Variants in BAZ2B observed in about 807,000 individuals in gnomAD.
BAZ2B encodes bromodomain adjacent to zinc finger domain 2B, also known as bromodomain adjacent to zinc finger domain protein 2B.
Under a neutral mutation model 246.0 loss-of-function variants are expected in BAZ2B, and 91 were observed. That is an observed-to-expected ratio of 0.37 (90% confidence interval 0.31 to 0.44). The LOEUF (loss-of-function observed/expected upper bound fraction) is 0.44. Among genes scored for constraint, BAZ2B ranks in the 20% least tolerant of loss-of-function variants. The probability of loss-of-function intolerance (pLI) is 1.00; values close to 1 mark genes in which losing one functional copy is unlikely to be tolerated. For missense variants in BAZ2B, 2,332 were observed against 2,533.7 expected (o/e 0.92, Z 1.71); for synonymous variants, 855 against 860.0 (o/e 0.99, Z 0.10).
At chr2:159,386,306 C>A in intron 22 of BAZ2B, 47 bp downstream of exon 22, 1 of 1,506,920 alleles carries the variant, frequency 6.6e-7, no homozygotes. Context: ...TCTACCAATG[C>A]ACTGACAGTA....
intron 13 of BAZ2B, among the ~76,000 whole-genome samples, chr2:159,423,930 G>A (rs1019657055): frequency 6.6e-6 from 1 of 152,134 alleles, no homozygotes; most frequent in African/African-American, 2.4e-5. Flanking sequence ...TGTGCTCCAG[G>A]ATCATTTGCA....
intron 2 of BAZ2B, among the ~76,000 whole-genome samples, chr2:159,487,235 G>C (rs1379052828): frequency 2.0e-5 from 3 of 152,108 alleles, no homozygotes; most frequent in African/African-American, 4.8e-5. Flanking sequence ...AGGAAGCAGG[G>C]AACCTACTCC....
At chr2:159,710,958 G>A in the BAZ2B span, 1 of 152,200 alleles carries the variant, frequency 6.6e-6, no homozygotes, top group Non-Finnish European at 1.5e-5. Flanking sequence ...GAATGTAATA[G>A]CTAACAATTA....
At chr2:159,689,987 A>G in the BAZ2B span, 20 of 391,350 alleles carry the variant, frequency 5.1e-5, no homozygotes, top group African/African-American at 4.0e-4. Context: ...TTTTTTGACC[A>G]TAGAACACAT....
At chr2:159,449,918 C>A (rs1382643285) in intron 4 of BAZ2B, among the ~76,000 whole-genome samples, 1 of 152,070 alleles carries the variant, frequency 6.6e-6, no homozygotes, top group Non-Finnish European at 1.5e-5. Flanking sequence ...CACTTGTAAT[C>A]CCAGAGCTTT....
At chr2:159,516,611 G>A (rs1343768325) in intron 2 of BAZ2B, 1 of 152,430 alleles carries the variant, frequency 6.6e-6, no homozygotes, top group Non-Finnish European at 1.5e-5. Flanking sequence ...TGTCGGAGAG[G>A]GTCAAATAGT....
At chr2:159,369,701 T>C (rs2060610138) in intron 27 of BAZ2B, among the ~76,000 whole-genome samples, 1 of 152,178 alleles carries the variant, frequency 6.6e-6, no homozygotes, top group Non-Finnish European at 1.5e-5. Context: ...GATTGATCAT[T>C]TTCTTAAGCT....
chr2:159,641,559 G>C, the BAZ2B span, among the ~76,000 whole-genome samples: 2 of 152,154 alleles, frequency 1.3e-5, no homozygotes, highest in Non-Finnish European at 2.9e-5. Flanking sequence ...AAGCTCTTCA[G>C]TTTAATTAAA....
At chr2:159,628,821 G>A in the BAZ2B span, among the ~76,000 whole-genome samples, 1 of 152,132 alleles carries the variant, frequency 6.6e-6, no homozygotes, top group Non-Finnish European at 1.5e-5. Context: ...TTGACAAATG[G>A]GACTAATTAA....
chr2:159,710,504 G>A, the BAZ2B span, among the ~76,000 whole-genome samples: 5 of 152,182 alleles, frequency 3.3e-5, no homozygotes, highest in South Asian at 4.2e-4. Context: ...CACGGCGCCC[G>A]GCTGCAAAAT....
the BAZ2B span, among the ~76,000 whole-genome samples, chr2:159,641,214 C>T: frequency 2.0e-5 from 3 of 152,182 alleles, no homozygotes; most frequent in Admixed American, 1.3e-4. Context: ...TTTTTCTCCA[C>T]AACCTCACCA....
chr2:159,511,403 A>C (rs1057473345), intron 2 of BAZ2B, among the ~76,000 whole-genome samples: 5 of 152,096 alleles, frequency 3.3e-5, no homozygotes, highest in African/African-American at 1.2e-4. Flanking sequence ...ATGGGGTTTC[A>C]TCATGTTGGC....
At chr2:159,697,947 T>C in the BAZ2B span, among the ~76,000 whole-genome samples, 3 of 152,336 alleles carry the variant, frequency 2.0e-5, no homozygotes, top group Admixed American at 1.3e-4. Flanking sequence ...AGTTAAATAC[T>C]GTGTGGTCTT....
intron 2 of BAZ2B, among the ~76,000 whole-genome samples, chr2:159,541,007 TAAC>T (rs1356315350): frequency 2.0e-5 from 3 of 152,170 alleles, no homozygotes; most frequent in Non-Finnish European, 4.4e-5. Flanking sequence ...GAAATAATAA[TAAC>T]ATCAGGTCAC....
chr2:159,634,529 G>A, the BAZ2B span, among the ~76,000 whole-genome samples: 1 of 152,106 alleles, frequency 6.6e-6, no homozygotes, highest in Non-Finnish European at 1.5e-5. Flanking sequence ...ATATTATACT[G>A]TCCAAAAGTA....
chr2:159,363,484 T>A (rs2059923281), intron 27 of BAZ2B, among the ~76,000 whole-genome samples: 1 of 152,154 alleles, frequency 6.6e-6, no homozygotes, highest in Non-Finnish European at 1.5e-5. Flanking sequence ...GGAGGCAATG[T>A]TGGACATGAA....
At chr2:159,567,516 CTTT>C (rs1441309448) in intron 1 of BAZ2B, among the ~76,000 whole-genome samples, 1 of 152,160 alleles carries the variant, frequency 6.6e-6, no homozygotes, top group African/African-American at 2.4e-5. Context: ...AGGACTACTT[CTTT>C]AACATCTTTC....
intron 3 of BAZ2B, among the ~76,000 whole-genome samples, chr2:159,468,030 C>A (rs904636570): frequency 1.3e-5 from 2 of 152,078 alleles, no homozygotes; most frequent in Admixed American, 1.3e-4. Context: ...AAGTATGAGA[C>A]CCAAATTCAA....
chr2:159,662,268 T>C, the BAZ2B span, among the ~76,000 whole-genome samples: 1 of 152,232 alleles, frequency 6.6e-6, no homozygotes, highest in African/African-American at 2.4e-5. Context: ...TTCCACCTTT[T>C]GGCAATTGTA....
Sources: gnomAD v4.1 joint callset for allele counts (sites outside exome capture counted in the v4.1 genomes callset) on GRCh38, gnomAD v4.1.1 for gene constraint, MANE v1.5 for transcripts, NCBI Gene and HGNC (gene_info 2026-07-23, HGNC 2026-07-21) for gene names.